Variants in CCDC158 observed in about 807,000 individuals in gnomAD.
CCDC158 encodes the protein coiled-coil domain-containing protein 158.
A neutral mutation model predicts 138.6 loss-of-function variants in CCDC158; 116 were observed. The ratio of observed to expected loss-of-function variants is 0.84; its 90% CI spans 0.72 to 0.98. The LOEUF is 0.98. CCDC158 is among the 50% of genes least tolerant of loss of function. The pLI is 0.00. For missense variants in CCDC158, 1,265 were observed against 1,306.1 expected, an observed-to-expected ratio of 0.97 and a Z score of 0.48; for synonymous variants, 436 against 442.4, an observed-to-expected ratio of 0.99 and a Z score of 0.18.
intron 12 of CCDC158, among the ~76,000 whole-genome samples, chr4:76,366,272 AAACTT>A (rs959560017): frequency 6.6e-6 from 1 of 152,088 alleles, no homozygotes; most frequent in African/African-American, 2.4e-5. Context: ...AATCAGGTAA[AAACTT>A]AAGCAATAGA....
intron 4 of CCDC158, among the ~76,000 whole-genome samples, chr4:76,389,826 G>GA (rs1379182823): frequency 1.3e-5 from 2 of 151,904 alleles, no homozygotes; most frequent in East Asian, 1.9e-4. Flanking sequence ...AGTGCTGAAA[G>GA]AAAAAAACCA....
At chr4:76,399,649 T>C (rs960428747) in intron 3 of CCDC158, among the ~76,000 whole-genome samples, 1 of 152,130 alleles carries the variant, frequency 6.6e-6, no homozygotes, top group African/African-American at 2.4e-5. Flanking sequence ...GATTTTTCTT[T>C]CAGAAGGCAC....
At chr4:76,383,628 G>T (rs17001887) in intron 7 of CCDC158, 34 bp downstream of exon 7, 3 of 1,493,442 alleles carry the variant, frequency 2.0e-6, no homozygotes, top group South Asian at 1.1e-5. Context: ...GTTTAGTTTC[G>T]CTAGGCTTTT....
At chr4:76,404,466 A>G (rs1350044869) in intron 2 of CCDC158, among the ~76,000 whole-genome samples, 2 of 152,206 alleles carry the variant, frequency 1.3e-5, no homozygotes, top group Non-Finnish European at 2.9e-5. Context: ...AGGGTATGAA[A>G]AATCACCCCT....
At position 76,396,400 on chromosome 4, in the gene CCDC158, A is replaced by G; in HGVS notation, c.157T>C (p.Phe53Leu). 1 of 1,614,064 alleles carries G rather than the reference A, an allele frequency of 6.2e-7. No individual in the cohort carries two copies. Among genetic ancestry groups the G allele is most frequent in the Admixed American group, 1.7e-5 (1 of 60,024 alleles). ...SSAGTLTQVP[F>L]FPKYEVELDS... Reference sequence around the variant, plus strand: ...AGTTCCACTTCATATTTAGGGAAAAAAGGAACCTGTGTCAAAGTCCCAGCT... The same window carrying G: ...AGTTCCACTTCATATTTAGGGAAAAGAGGAACCTGTGTCAAAGTCCCAGCT... Residue 53 changes from phenylalanine (F) to leucine (L), a missense_variant, in exon 4 of 25, where the codon TTT becomes CTT. Coordinates refer to ENST00000682701, the MANE Select transcript of CCDC158 (RefSeq NM_001394954.1).
At chr4:76,376,127 C>T (rs564343247) in intron 9 of CCDC158, among the ~76,000 whole-genome samples, 56 of 151,984 alleles carry the variant, frequency 3.7e-4, no homozygotes, top group Non-Finnish European at 7.1e-4. Context: ...GATCATGGCT[C>T]ATTGCAGCCT....
chr4:76,347,907 AAC>A (rs991548574), intron 18 of CCDC158, among the ~76,000 whole-genome samples: 2 of 152,182 alleles, frequency 1.3e-5, no homozygotes, highest in African/African-American at 4.8e-5. Context: ...CAATTTTTAA[AAC>A]AGTTATTTTC....
At position 76,371,465 on chromosome 4, in the gene CCDC158, TTGA is replaced by T; in HGVS notation, c.1098_1100del (p.Asp366_Gln367delinsGlu). The T allele has an allele frequency of 6.2e-7, 1 of 1,614,116 alleles. No individual in the cohort carries two copies. The highest frequency in any genetic ancestry group is 8.5e-7 in the Non-Finnish European group (1 of 1,179,952). ...CTAAATTTCCAGATTCCTGACTGAA[TTGA>T]TCACGCTCTGTCCGGGCTTCAGTTA... On this transcript the variant is annotated inframe_deletion, in exon 10 of 25. Transcript: ENST00000682701.
At chr4:76,384,044 G>C in intron 6 of CCDC158, 44 bp downstream of exon 6, 1 of 1,285,220 alleles carries the variant, frequency 7.8e-7, no homozygotes, top group African/African-American at 1.5e-5. Flanking sequence ...TTCTCTTAAT[G>C]CATTTTAATA....
At chr4:76,324,283 G>A (rs1016708827) in intron 23 of CCDC158, among the ~76,000 whole-genome samples, 6 of 151,756 alleles carry the variant, frequency 4.0e-5, no homozygotes, top group African/African-American at 1.5e-4. Flanking sequence ...TGCCTCCCGG[G>A]TTCAAGTGAT....
In CCDC158 at chr4:76,396,454, G is replaced by T. The variant is rs201063324; in HGVS notation, c.103C>A (p.Arg35Ser). The change falls in exon 4 of 25, where the codon CGT (arginine) becomes AGT (serine). Residue 35 changes from arginine to serine, a missense_variant. Arg to Ser is a moderately radical substitution (Grantham distance 110). Coordinates refer to ENST00000682701, the MANE Select transcript of CCDC158 (RefSeq NM_001394954.1). Reference protein sequence around the residue: ...SSSSFFVSSIRGTIIENTSSA... With the variant: ...SSSSFFVSSISGTIIENTSSA... ...GATGTGTTTTCAATTATTGTACCAC[G>T]AATAGATGACACAAAAAATGAACTT... 6.2e-7 allele frequency: 1 copy of T among 1,609,466 alleles called. No homozygotes were observed. Among genetic ancestry groups the T allele is most frequent in the Admixed American group, 1.7e-5 (1 of 59,014 alleles).
At chr4:76,327,455 A>G (rs1342255900) in intron 22 of CCDC158, among the ~76,000 whole-genome samples, 2 of 152,204 alleles carry the variant, frequency 1.3e-5, no homozygotes, top group Non-Finnish European at 2.9e-5. Context: ...TATACAGGCT[A>G]TATGGTATAG....
At chr4:76,379,449 GA>G (rs751232251) in intron 8 of CCDC158, 45 bp from the exon 9 acceptor site, 2 of 1,181,358 alleles carry the variant, frequency 1.7e-6, no homozygotes, top group East Asian at 5.0e-5. Flanking sequence ...AGCAAACTAA[GA>G]ATAAGAGTAA....
intron 4 of CCDC158, among the ~76,000 whole-genome samples, chr4:76,386,960 G>A (rs1006330382): frequency 2.0e-5 from 3 of 152,272 alleles, no homozygotes; most frequent in South Asian, 2.1e-4. Context: ...GCTGAAATGC[G>A]CTGGGGTCCT....
In CCDC158 at chr4:76,384,244, C is replaced by A. The variant is rs763602117; in HGVS notation, c.570G>T (p.Arg190=). 6.2e-6 allele frequency: 10 copies of A among 1,614,074 alleles called. No individual in the cohort carries two copies. The Admixed American group carries it at 1.7e-4, about 27-fold the overall frequency. ...CTTCTTCAAAGTCAACTAGGATTGA[C>A]CGGATTTCTTGAAGCACTCCCTCAT... ...LSHEGVLQEI[R]SILVDFEEAS... is the part of the protein sequence containing the mutation. Residue 190 remains arginine, a synonymous_variant, in exon 6 of 25, where the codon CGG becomes CGT. Transcript: ENST00000682701.
At chr4:76,322,264 C>CAA (rs760579056) in intron 24 of CCDC158, among the ~76,000 whole-genome samples, 18 of 152,136 alleles carry the variant, frequency 1.2e-4, no homozygotes, top group Non-Finnish European at 2.5e-4. Context: ...TCTTCAACAA[C>CAA]AATTTGCTAA....
intron 9 of CCDC158, among the ~76,000 whole-genome samples, chr4:76,377,746 G>A (rs937792188): frequency 1.3e-5 from 2 of 152,144 alleles, no homozygotes; most frequent in Admixed American, 6.5e-5. Context: ...GTCTAAGGTT[G>A]CTTAAGGTTG....
chr4:76,370,332 G>C (rs915292143), intron 10 of CCDC158, among the ~76,000 whole-genome samples: 28 of 152,184 alleles, frequency 1.8e-4, no homozygotes, highest in Non-Finnish European at 3.4e-4. Context: ...TGAAGATGTA[G>C]AGATTAGGAA....
At chr4:76,383,852 C>A in intron 6 of CCDC158, 114 bp from the exon 7 acceptor site, 1 of 778,696 alleles carries the variant, frequency 1.3e-6, no homozygotes, top group Non-Finnish European at 2.2e-6. Context: ...ATACTAAAAT[C>A]AGATACATTC....
Sources: allele counts gnomAD v4.1 joint callset (sites outside exome capture counted in the v4.1 genomes callset), GRCh38; gene constraint gnomAD v4.1.1; transcripts MANE v1.5; gene names NCBI Gene and HGNC (gene_info 2026-07-23, HGNC 2026-07-21).